Variants in ABCC8 observed in about 807,000 individuals in gnomAD.
The protein encoded by ABCC8 is ATP binding cassette subfamily C member 8.
ABCC8 carries 137 observed loss-of-function variants against 188.0 expected under a neutral mutation model. The ratio of observed to expected loss-of-function variants is 0.73; its 90% CI spans 0.63 to 0.84. ABCC8 has a LOEUF of 0.84. ABCC8 is among the 40% of genes least tolerant of loss of function. The pLI is 0.00. For synonymous variants in ABCC8, 797 were observed against 846.5 expected, an observed-to-expected ratio of 0.94 and a Z score of 1.01; for missense variants, 1,750 against 2,072.7, an observed-to-expected ratio of 0.84 and a Z score of 3.02.
intron 35 of ABCC8, 107 bp downstream of exon 35, chr11:17,395,503 C>T (rs1042897601): frequency 1.3e-5 from 20 of 1,488,880 alleles, no homozygotes; most frequent in Middle Eastern, 1.7e-4. Context: ...GAGCAGGAAA[C>T]ACCTCTGGGA....
In ABCC8 at chr11:17,474,971, G is replaced by T; in HGVS notation, c.205C>A (p.Pro69Thr). 2 of 1,614,116 alleles carry T rather than the reference G, an allele frequency of 1.2e-6. No individual in the cohort carries two copies. Among genetic ancestry groups the T allele is most frequent in the Non-Finnish European group, 1.7e-6 (2 of 1,180,004 alleles). Reference protein sequence around the residue: ...HIHHSTWLHFPGHNLRWILTF... With the variant: ...HIHHSTWLHFTGHNLRWILTF... ...AGGATCCACCGCAGGTTGTGCCCAG[G>T]GAAATGAAGCCATGTGCTGTGGTGG... The change falls in exon 2 of 39, where the codon CCT becomes ACT. Residue 69 changes from proline (P) to threonine (T), a missense_variant. Transcript: ENST00000389817.
At position 17,397,745 on chromosome 11, in the gene ABCC8, T is replaced by C. The variant is rs1350222869; in HGVS notation, c.3806A>G (p.Asn1269Ser). Residue 1269 changes from asparagine to serine, a missense_variant, in exon 31 of 39, where the codon AAC becomes AGC. Transcript: ENST00000389817. ...AGCAGAGAGCTCCCTGTGCAGGGAG[T>C]TGGAGATGGAGGTCACCGCTGCGAT... The part of the protein sequence containing the change: ...VLIAAVTSIS[N>S]SLHRELSAGL... The C allele has an allele frequency of 6.2e-7, 1 of 1,613,556 alleles. No homozygotes were observed. The highest frequency in any genetic ancestry group is 1.7e-5 in the Admixed American group (1 of 60,004).
intron 27 of ABCC8, among the ~76,000 whole-genome samples, chr11:17,405,107 T>C (rs1954453372): frequency 6.6e-6 from 1 of 152,200 alleles, no homozygotes; most frequent in South Asian, 2.1e-4. Flanking sequence ...TCTCTCCAGC[T>C]ACAAGGTAAA....
At chr11:17,408,340 C>T (rs1954638773) in intron 23 of ABCC8, 52 bp downstream of exon 23, 2 of 1,538,564 alleles carry the variant, frequency 1.3e-6, no homozygotes, top group Non-Finnish European at 1.8e-6. Flanking sequence ...CAGGTTCTAG[C>T]AGAACCTTTG....
At chr11:17,392,646 C>G, downstream of ABCC8, 1 of 376,416 alleles carries the variant, frequency 2.7e-6, no homozygotes, top group Non-Finnish European at 5.1e-6. Context: ...GAAACCAAAC[C>G]TGCCAACACC....
intron 3 of ABCC8, among the ~76,000 whole-genome samples, chr11:17,464,640 A>C (rs959056570): frequency 6.6e-6 from 1 of 152,214 alleles, no homozygotes; most frequent in African/African-American, 2.4e-5. Flanking sequence ...CAGATTTAAG[A>C]CCTGGGGAAG....
At position 17,475,183 on chromosome 11, in the gene ABCC8, A is replaced by G. The variant is rs74607324; in HGVS notation, c.149-156T>C. 0.013 allele frequency: 8,260 copies of G among 620,396 alleles called. 596 individuals carry two copies. In the African/African-American group the frequency reaches 0.15, roughly 11 times the overall value. The allele number at this position is 620,396 out of a possible 1,614,324, so 38.4% of individuals were successfully genotyped here. A position where few individuals can be genotyped will look rare whatever the true frequency, so the allele number is the denominator to read the frequency against. ...GCTGGTACACACAAACTAAACGTCC[A>G]ACTCATTCAGCCTGGTCCTATGCTG... On this transcript the variant is annotated intron_variant, in intron 1 of 38. Transcript: ENST00000389817.
Position 17,430,850 on chromosome 11 carries a change from G to A in ABCC8, c.1781C>T (p.Ser594Phe). ...HILVTPLFLLSSVVRSTVKAL... is the reference protein window; with the variant it reads ...HILVTPLFLLFSVVRSTVKAL... ...TTTGACGGTAGATCGGACCACACTG[G>A]ACAGCAGGAACAGCGGTGTGACCAA... The change falls in exon 12 of 39, where the codon TCC becomes TTC. Residue 594 changes from serine (S) to phenylalanine (F), a missense_variant. By Grantham distance (155) the Ser-to-Phe change is radical (BLOSUM62 -2). Transcript: ENST00000389817. The A allele has an allele frequency of 6.2e-7, 1 of 1,614,230 alleles. No homozygotes were observed. Among genetic ancestry groups the A allele is most frequent in the Non-Finnish European group, 8.5e-7 (1 of 1,180,050 alleles).
intron 27 of ABCC8, among the ~76,000 whole-genome samples, chr11:17,405,220 C>T (rs534695954): frequency 6.6e-4 from 101 of 152,378 alleles, no homozygotes; most frequent in African/African-American, 2.4e-3. Flanking sequence ...TACAATCAGC[C>T]ACCTTGGTTC....
rs1391598484 is a variant in ABCC8, at chr11:17,400,622, G to A, written c.3650+2039C>T. 2.0e-5 allele frequency among the ~76,000 whole-genome samples: 3 copies of A among 152,190 alleles called. No homozygotes were observed. The East Asian group carries it at 5.8e-4, about 29-fold the overall frequency. On this transcript the variant is annotated intron_variant, in intron 29 of 38. Transcript: ENST00000389817. The stretch of plus-strand genomic sequence containing the variant: ...ACCTCCGAGCCCGCCACTGAGCCCA[G>A]TGCTGGGCACTCTTGAAACTCTTTT...
Position 17,411,041 on chromosome 11 carries a change from G to A in ABCC8, c.2557-388C>T, listed in dbSNP as rs201616402. ...ATTCCAGGTTCCCAGGAAGCCTGCC[G>A]TCTGGGCCTTCTCCTGAGCTGTTCC... is the stretch of plus-strand genomic sequence containing the variant. On this transcript the variant is annotated intron_variant, in intron 21 of 38. Coordinates refer to ENST00000389817, the MANE Select transcript of ABCC8 (RefSeq NM_000352.6). Among the ~76,000 whole-genome samples, 42 of 152,260 alleles carry A rather than the reference G, an allele frequency of 2.8e-4. No homozygotes were observed. The East Asian group carries it at 6.4e-3, about 23-fold the overall frequency.
intron 3 of ABCC8, among the ~76,000 whole-genome samples, chr11:17,467,186 A>C (rs1405050674): frequency 1.3e-5 from 2 of 152,098 alleles, no homozygotes; most frequent in African/African-American, 2.4e-5. Flanking sequence ...TGGGAAGTTG[A>C]GACCTGATCA....
At chr11:17,466,584 T>G (rs942128906) in intron 3 of ABCC8, among the ~76,000 whole-genome samples, 3 of 152,104 alleles carry the variant, frequency 2.0e-5, no homozygotes, top group African/African-American at 7.2e-5. Context: ...TGGAGATGGA[T>G]AGTGGTGATG....
chr11:17,430,326 G>A (rs550032476), intron 12 of ABCC8: 23 of 281,404 alleles, frequency 8.2e-5, no homozygotes, highest in African/African-American at 3.5e-4. Context: ...AGGACCCAGC[G>A]CTTGGGGGAA....
chr11:17,476,492 C>A (rs549422043), intron 1 of ABCC8, 137 bp downstream of exon 1: 574 of 1,060,734 alleles, frequency 5.4e-4, no homozygotes, highest in Non-Finnish European at 7.3e-4. Flanking sequence ...GGGCAGGACA[C>A]AGGGCAGGGG....
At chr11:17,473,987 T>C (rs1195171998) in intron 2 of ABCC8, among the ~76,000 whole-genome samples, 1 of 152,184 alleles carries the variant, frequency 6.6e-6, no homozygotes, top group African/African-American at 2.4e-5. Context: ...CGCTGCTCCC[T>C]AGCCCTACCT....
chr11:17,410,934 T>C (rs747627878), intron 21 of ABCC8, among the ~76,000 whole-genome samples: 19 of 152,196 alleles, frequency 1.2e-4, no homozygotes, highest in Admixed American at 2.6e-4. Flanking sequence ...TCAAACCCTG[T>C]GGGCTGGTGT....
chr11:17,464,407 G>A (rs1379985035), intron 3 of ABCC8, among the ~76,000 whole-genome samples: 2 of 152,192 alleles, frequency 1.3e-5, no homozygotes, highest in South Asian at 2.1e-4. Context: ...TGGTGGCTCC[G>A]CAGCCAGATA....
At chr11:17,470,847 G>A (rs1354069145) in intron 2 of ABCC8, among the ~76,000 whole-genome samples, 2 of 152,162 alleles carry the variant, frequency 1.3e-5, no homozygotes, top group African/African-American at 2.4e-5. Context: ...CTAAGTGGGT[G>A]GACTGTGGCC....
Sources: allele counts gnomAD v4.1 joint callset (sites outside exome capture counted in the v4.1 genomes callset), GRCh38; gene constraint gnomAD v4.1.1; transcripts MANE v1.5; gene names NCBI Gene and HGNC (gene_info 2026-07-23, HGNC 2026-07-21).